MTCL1: variants seen among roughly 807,000 people sequenced by gnomAD.
MTCL1 encodes microtubule cross-linking factor 1.
Under a neutral mutation model 141.4 loss-of-function variants are expected in MTCL1, and 79 were observed. That is an observed-to-expected ratio of 0.56 (90% confidence interval 0.47 to 0.67). MTCL1 has a LOEUF of 0.67. Ranked by LOEUF, MTCL1 falls within the 30% of genes least tolerant of loss-of-function variation. The pLI is 0.00. For synonymous variants in MTCL1, 914 were observed against 875.8 expected, an observed-to-expected ratio of 1.04 and a Z score of -0.77; for missense variants, 2,177 against 2,113.9, an observed-to-expected ratio of 1.03 and a Z score of -0.59.
At position 8,708,844 on chromosome 18, in the gene MTCL1, C is replaced by G. The variant is rs115737742; in HGVS notation, c.1053+2131C>G. Among the ~76,000 whole-genome samples, 1,137 of 152,268 alleles carry G rather than the reference C, an allele frequency of 7.5e-3. 17 individuals carry two copies. Among genetic ancestry groups the G allele is most frequent in the African/African-American group, 0.025 (1,058 of 41,532 alleles). ...CTGTGGAGAAGGTGTCACTTGCATC[C>G]GTTTACTCTGCCTGAGGCCACCTCC... On this transcript the variant is annotated intron_variant, in intron 1 of 13. Transcript: ENST00000306329.
At chr18:8,772,420 C>CT (rs915143798) in intron 4 of MTCL1, among the ~76,000 whole-genome samples, 38 of 150,828 alleles carry the variant, frequency 2.5e-4, no homozygotes, top group South Asian at 6.3e-4. Flanking sequence ...TTTTCCTGAC[C>CT]TTTTTTTTTC....
chr18:8,745,126 T>C (rs776482442), intron 4 of MTCL1, among the ~76,000 whole-genome samples: 1 of 152,244 alleles, frequency 6.6e-6, no homozygotes, highest in Non-Finnish European at 1.5e-5. Context: ...ACCTCATTAT[T>C]TTTATGATTA....
At chr18:8,786,779 G>C (rs958432808) in intron 7 of MTCL1, 4 of 206,436 alleles carry the variant, frequency 1.9e-5, no homozygotes, top group Non-Finnish European at 3.0e-5. Context: ...AAGTCCAAAT[G>C]CTGTGTCAGT....
intron 4 of MTCL1, among the ~76,000 whole-genome samples, chr18:8,725,279 T>A (rs2096200900): frequency 6.6e-6 from 1 of 152,184 alleles, no homozygotes; most frequent in Admixed American, 6.5e-5. Context: ...TGCGGCTGCC[T>A]TTCCTCAAGC....
At chr18:8,716,951 C>T (rs376080438), upstream of MTCL1, among the ~76,000 whole-genome samples, 5 of 152,164 alleles carry the variant, frequency 3.3e-5, no homozygotes, top group Non-Finnish European at 7.3e-5. Flanking sequence ...ATACCTGCAG[C>T]TACATCTGTG....
At position 8,830,186 on chromosome 18, in the gene MTCL1, G is replaced by A. The variant is rs1197628113; in HGVS notation, c.*18+1222G>A. On this transcript the variant is annotated intron_variant, in intron 16 of 16. Coordinates refer to ENST00000359865, the Ensembl canonical transcript of MTCL1. The surrounding 1 kb of genome is among the most constrained non-coding windows in gnomAD (Gnocchi z 6.4). Reference sequence around the variant, plus strand: ...GAGATGAGGACACAGGAGCACCTTGGGTTAGTCTGCATCTTGGTGGCTGGT... The same window carrying A: ...GAGATGAGGACACAGGAGCACCTTGAGTTAGTCTGCATCTTGGTGGCTGGT... The A allele has an allele frequency of 2.0e-6, 2 of 985,524 alleles. No homozygotes were observed. The highest frequency in any genetic ancestry group is 3.5e-5 in the African/African-American group (2 of 57,238). 61.0% of individuals were successfully genotyped at this position (985,524 alleles called of 1,614,324 possible). A position where few individuals can be genotyped will look rare whatever the true frequency, so the allele number is the denominator to read the frequency against.
chr18:8,734,478 T>G (rs927346229), intron 4 of MTCL1, among the ~76,000 whole-genome samples: 2 of 152,070 alleles, frequency 1.3e-5, no homozygotes, highest in Admixed American at 1.3e-4. Flanking sequence ...TCATTATGTA[T>G]TTTCTGAAGG....
At chr18:8,831,555 C>T in intron 16 of MTCL1, 52 bp from the exon 15 acceptor site, 4 of 1,537,466 alleles carry the variant, frequency 2.6e-6, no homozygotes, top group South Asian at 1.2e-5. Context: ...GAATCATCCA[C>T]TGGTGACACT....
chr18:8,818,268 T>A (rs1176718151), intron 12 of MTCL1, among the ~76,000 whole-genome samples: 1 of 148,308 alleles, frequency 6.7e-6, no homozygotes, highest in African/African-American at 2.5e-5. Context: ...TAACTCCAGG[T>A]GGCCCTGTGC....
At chr18:8,715,995 A>G (rs1268008515), upstream of MTCL1, among the ~76,000 whole-genome samples, 1 of 152,162 alleles carries the variant, frequency 6.6e-6, no homozygotes, top group Non-Finnish European at 1.5e-5. Flanking sequence ...CAGTCCAGTA[A>G]CTTCCAGTTC....
chr18:8,754,733 A>G (rs1164847994), intron 4 of MTCL1, among the ~76,000 whole-genome samples: 1 of 152,200 alleles, frequency 6.6e-6, no homozygotes, highest in Non-Finnish European at 1.5e-5. Flanking sequence ...CTGCTATCTA[A>G]TGTTGCCTTT....
intron 4 of MTCL1, among the ~76,000 whole-genome samples, chr18:8,750,464 G>C (rs2096365201): frequency 6.6e-6 from 1 of 152,242 alleles, no homozygotes; most frequent in Admixed American, 6.5e-5. Flanking sequence ...TGCTCTCTGT[G>C]CCCTGGGCAC....
intron 11 of MTCL1, among the ~76,000 whole-genome samples, chr18:8,807,476 A>G (rs1461463653): frequency 6.6e-6 from 1 of 152,242 alleles, no homozygotes; most frequent in Non-Finnish European, 1.5e-5. Flanking sequence ...CAAAATATCA[A>G]AAGAACTTGG....
intron 10 of MTCL1, among the ~76,000 whole-genome samples, chr18:8,806,083 A>T (rs969757807): frequency 1.3e-5 from 2 of 152,188 alleles, no homozygotes; most frequent in Admixed American, 6.5e-5. Context: ...AACATGAGCC[A>T]AGGATTGTGC....
chr18:8,783,909 A>C (rs1446807803), exon 6 of MTCL1: 1 of 1,613,052 alleles, frequency 6.2e-7, no homozygotes, highest in Non-Finnish European at 8.5e-7. Context: ...CCCTTCGGTG[A>C]CTCCCTGGAG....
intron 4 of MTCL1, among the ~76,000 whole-genome samples, chr18:8,749,886 G>T (rs1007516859): frequency 4.6e-5 from 7 of 152,072 alleles, no homozygotes; most frequent in Non-Finnish European, 1.0e-4. Context: ...AACTTGTTTC[G>T]ATGTTTCAGT....
chr18:8,719,669 C>T (rs2096154857), intron 3 of MTCL1, among the ~76,000 whole-genome samples: 1 of 152,116 alleles, frequency 6.6e-6, no homozygotes, highest in Admixed American at 6.5e-5. Flanking sequence ...CTCAAGCAAC[C>T]CTCCCATCTT....
Position 8,804,253 on chromosome 18 carries a change from A to AT in MTCL1, c.2437-2621dup, listed in dbSNP as rs576046249. On this transcript the variant is annotated intron_variant, in intron 10 of 16. Transcript: ENST00000359865. ...TCAACTGTACTTATATAATTTTTAG[A>AT]TTTTTTTTTTTTTTTTTTTGGAAAC... Among the ~76,000 whole-genome samples the AT allele has an allele frequency of 8.3e-3, 1,123 of 135,902 alleles. 8 individuals are homozygous for AT. Among genetic ancestry groups the AT allele is most frequent in the Middle Eastern group, 0.023 (6 of 256 alleles). The allele number at this position is 135,902 out of a possible 152,430, so 89.2% of individuals were successfully genotyped here.
intron 4 of MTCL1, among the ~76,000 whole-genome samples, chr18:8,771,274 C>T (rs547818964): frequency 7.0e-4 from 107 of 152,288 alleles, no homozygotes; most frequent in Non-Finnish European, 1.4e-3. Flanking sequence ...CAGGCGTGAG[C>T]TCCCATGACC....
Sources: gnomAD v4.1 joint callset for allele counts (sites outside exome capture counted in the v4.1 genomes callset) on GRCh38, gnomAD v4.1.1 for gene constraint, Gnocchi (gnomAD v3.1) non-coding constraint, MANE v1.5 for transcripts, NCBI Gene and HGNC (gene_info 2026-07-23, HGNC 2026-07-21) for gene names.